The following KAZN variants were observed in gnomAD, a reference collection of about 807,000 sequenced individuals.
KAZN encodes kazrin, periplakin interacting protein.
Under a neutral mutation model 87.4 loss-of-function variants are expected in KAZN, and 40 were observed. That is an observed-to-expected ratio of 0.46 (90% CI 0.36 to 0.60). KAZN has a LOEUF of 0.60. Among genes scored for constraint, KAZN ranks in the 20% least tolerant of loss-of-function variants. The probability of loss-of-function intolerance (pLI) is 0.00; values close to 1 mark genes in which losing one functional copy is unlikely to be tolerated. For missense variants in KAZN, 898 were observed against 1,073.9 expected, an observed-to-expected ratio of 0.84 and a Z score of 2.29; for synonymous variants, 466 against 458.3, an observed-to-expected ratio of 1.02 and a Z score of -0.22.
intron 2 of KAZN, among the ~76,000 whole-genome samples, chr1:14,364,204 G>A (rs1659770006): frequency 6.6e-6 from 1 of 152,092 alleles, no homozygotes; most frequent in Non-Finnish European, 1.5e-5. Context: ...TGATGCATCA[G>A]AGCTGGAAAG....
chr1:14,577,236 T>C (rs1208122347), intron 2 of KAZN, among the ~76,000 whole-genome samples: 1 of 152,224 alleles, frequency 6.6e-6, no homozygotes, highest in Admixed American at 6.5e-5. Flanking sequence ...AAACTGAACA[T>C]TCAAAATAAA....
In KAZN at chr1:14,982,705, G is replaced by A. The variant is rs553918080; in HGVS notation, c.418+21830G>A. 2.4e-3 allele frequency among the ~76,000 whole-genome samples: 371 copies of A among 152,204 alleles called. 4 individuals are homozygous for A. The highest frequency in any genetic ancestry group is 3.9e-3 in the Non-Finnish European group (266 of 67,998). ...CTCCCAAAGTGCTGGGATTACAGGC[G>A]TGAGCCACTGTGCCTGGCCAGCACC... On this transcript the variant is annotated intron_variant, in intron 2 of 14. Transcript: ENST00000376030.
chr1:14,576,652 T>A (rs1330903346), intron 2 of KAZN, among the ~76,000 whole-genome samples: 1 of 152,256 alleles, frequency 6.6e-6, no homozygotes. Context: ...GAAAGTCTTA[T>A]GGCCTGCTGC....
chr1:14,367,638 A>T (rs979937008), intron 2 of KAZN, among the ~76,000 whole-genome samples: 1 of 152,126 alleles, frequency 6.6e-6, no homozygotes, highest in Non-Finnish European at 1.5e-5. Context: ...GCCTGGGCTG[A>T]ATCAGTAACC....
rs533640525 is a variant in KAZN at position 14,861,678 on chromosome 1, A to G, written c.227-99006A>G. Reference sequence around the variant, plus strand: ...AGGTGGGCATGGGGCTGGGGTCCTGAGCATTACAGTCCCCAGGCCACACTG... The same window carrying G: ...AGGTGGGCATGGGGCTGGGGTCCTGGGCATTACAGTCCCCAGGCCACACTG... On this transcript the variant is annotated intron_variant, in intron 1 of 14. Transcript: ENST00000376030. Among the ~76,000 whole-genome samples, 39 of 152,200 alleles carry G rather than the reference A, an allele frequency of 2.6e-4. No individual in the cohort carries two copies. In the South Asian group the frequency reaches 3.3e-3, roughly 13 times the overall value.
chr1:13,971,121 G>A (rs1363335016), intron 1 of KAZN, among the ~76,000 whole-genome samples: 2 of 152,096 alleles, frequency 1.3e-5, no homozygotes, highest in Admixed American at 1.3e-4. Flanking sequence ...CTACCTTAGG[G>A]TGGCCTTGGC....
rs115746992 is a variant in KAZN, at chr1:14,151,380, T to G, written c.92-29055T>G. On this transcript the variant is annotated intron_variant, in intron 1 of 16. Transcript: ENST00000636203. ...TTCTTAGCTGTTTTCCTCTTAAAAT[T>G]CATTTTCTGAGAGCAAGCAATATGT... Among the ~76,000 whole-genome samples the G allele has an allele frequency of 8.3e-3, 1,265 of 152,320 alleles. 13 individuals are homozygous for G. Among genetic ancestry groups the G allele is most frequent in the African/African-American group, 0.028 (1,175 of 41,568 alleles).
chr1:14,703,236 C>T (rs1043558811), intron 1 of KAZN, among the ~76,000 whole-genome samples: 1 of 152,198 alleles, frequency 6.6e-6, no homozygotes, highest in Non-Finnish European at 1.5e-5. Context: ...TGGCTCACAC[C>T]TGTACTCCCA....
Position 14,079,380 on chromosome 1 carries a change from T to G in KAZN, c.92-101055T>G, listed in dbSNP as rs76003636. ...GAAAATAAAACATAAAAACTGTTCT[T>G]GGAGTTACTTCTTAACAGAACTCAC... is the stretch of plus-strand genomic sequence containing the variant. On this transcript the variant is annotated intron_variant, in intron 1 of 16. Coordinates refer to the KAZN transcript ENST00000636203. Among the ~76,000 whole-genome samples, 384 of 152,364 alleles carry G rather than the reference T, an allele frequency of 2.5e-3. 2 individuals carry two copies. The highest frequency in any genetic ancestry group is 9.0e-3 in the African/African-American group (376 of 41,590).
intron 1 of KAZN, among the ~76,000 whole-genome samples, chr1:13,983,704 C>A (rs764061002): frequency 6.6e-6 from 1 of 152,258 alleles, no homozygotes; most frequent in African/African-American, 2.4e-5. Flanking sequence ...GCTGTGAGGA[C>A]CGCCAGCACG....
intron 2 of KAZN, among the ~76,000 whole-genome samples, chr1:14,220,936 T>G (rs187326022): frequency 6.6e-6 from 1 of 152,292 alleles, no homozygotes; most frequent in East Asian, 1.9e-4. Flanking sequence ...GGTAAAGGTT[T>G]AGGTTGAAGC....
chr1:14,172,352 G>A (rs1053133302), intron 1 of KAZN, among the ~76,000 whole-genome samples: 5 of 152,364 alleles, frequency 3.3e-5, no homozygotes, highest in Admixed American at 1.3e-4. Flanking sequence ...ATGAAGTGGA[G>A]TGGAGTTGGC....
At chr1:14,319,107 G>C (rs1655874107) in intron 2 of KAZN, among the ~76,000 whole-genome samples, 1 of 150,222 alleles carries the variant, frequency 6.7e-6, no homozygotes, top group Non-Finnish European at 1.5e-5. Context: ...TGGCCTGTCA[G>C]GTAATTTTTT....
chr1:14,366,565 C>G (rs1660015029), intron 2 of KAZN, among the ~76,000 whole-genome samples: 1 of 152,244 alleles, frequency 6.6e-6, no homozygotes, highest in Non-Finnish European at 1.5e-5. Flanking sequence ...ACTTGCTGCA[C>G]TTAACCCCTT....
At chr1:14,917,227 G>T (rs371256883) in intron 1 of KAZN, among the ~76,000 whole-genome samples, 1 of 152,194 alleles carries the variant, frequency 6.6e-6, no homozygotes, top group African/African-American at 2.4e-5. Context: ...CCCACCAAGG[G>T]CAAAGGTCTA....
chr1:14,375,876 A>G (rs534646057), intron 2 of KAZN, among the ~76,000 whole-genome samples: 14 of 136,860 alleles, frequency 1.0e-4, no homozygotes, highest in Non-Finnish European at 1.9e-4. Flanking sequence ...CGACAGAACA[A>G]GACTCCATCT....
intron 2 of KAZN, among the ~76,000 whole-genome samples, chr1:14,414,620 G>A (rs1664593630): frequency 6.6e-6 from 1 of 152,094 alleles, no homozygotes; most frequent in Non-Finnish European, 1.5e-5. Flanking sequence ...TACCGTGTGT[G>A]TGTGTGTGTA....
At chr1:14,138,548 C>T (rs963546498) in intron 1 of KAZN, among the ~76,000 whole-genome samples, 3 of 152,150 alleles carry the variant, frequency 2.0e-5, no homozygotes, top group Non-Finnish European at 4.4e-5. Flanking sequence ...CTCAGCCTCC[C>T]CTAGAGCCCC....
intron 2 of KAZN, among the ~76,000 whole-genome samples, chr1:14,203,549 G>A (rs1646682421): frequency 6.6e-6 from 1 of 152,198 alleles, no homozygotes; most frequent in Admixed American, 6.5e-5. Context: ...TTCAATTAGA[G>A]GAAAGAGATG....
Sources: gnomAD v4.1 joint callset for allele counts (sites outside exome capture counted in the v4.1 genomes callset) on GRCh38, gnomAD v4.1.1 for gene constraint, MANE v1.5 for transcripts, NCBI Gene and HGNC (gene_info 2026-07-23, HGNC 2026-07-21) for gene names.